Variants in ARHGAP6 observed in about 807,000 individuals in gnomAD.
ARHGAP6 encodes the protein rho GTPase-activating protein 6.
A neutral mutation model predicts 55.7 loss-of-function variants in ARHGAP6; 16 were observed. That is an observed-to-expected ratio of 0.29 (90% CI 0.19 to 0.44). ARHGAP6 has a LOEUF of 0.44. Among genes scored for constraint, ARHGAP6 ranks in the 20% least tolerant of loss-of-function variants. The probability of loss-of-function intolerance (pLI) is 1.00; values close to 1 mark genes in which losing one functional copy is unlikely to be tolerated. For missense variants in ARHGAP6, 698 were observed against 808.9 expected (o/e 0.86, Z 1.66); for synonymous variants, 382 against 360.9 (o/e 1.06, Z -0.66).
rs901989399 is a variant in ARHGAP6, at chrX:11,201,888, G to T, written c.749-4892C>A. Among the ~76,000 whole-genome samples, 5 of 110,909 alleles carry T rather than the reference G, an allele frequency of 4.5e-5. No individual in the cohort carries two copies. In the East Asian group the frequency reaches 1.4e-3, roughly 31 times the overall value. ...GAACTACAATACAAGATGAGAGTGG[G>T]TGGGGAATATAACCCAACCATATCA... is the stretch of plus-strand genomic sequence containing the variant. On this transcript the variant is annotated intron_variant, in intron 2 of 12. Coordinates refer to ENST00000337414, the MANE Select transcript of ARHGAP6 (RefSeq NM_013427.3).
At chrX:11,205,877 T>C (rs189142319) in intron 2 of ARHGAP6, among the ~76,000 whole-genome samples, 73 of 112,253 alleles carry the variant, frequency 6.5e-4, no homozygotes, top group Non-Finnish European at 6.0e-4. Context: ...ACTTTTTGAG[T>C]TTAGAAAAGA....
intron 1 of ARHGAP6, among the ~76,000 whole-genome samples, chrX:11,289,848 G>A (rs1483962097): frequency 9.0e-6 from 1 of 111,234 alleles, no homozygotes; most frequent in Non-Finnish European, 1.9e-5. Flanking sequence ...AGCTGGGCAT[G>A]GTGGCATGTG....
intron 1 of ARHGAP6, among the ~76,000 whole-genome samples, chrX:11,515,274 T>C (rs1307473103): frequency 1.8e-5 from 2 of 112,283 alleles, no homozygotes; most frequent in East Asian, 5.5e-4. Context: ...AAAGTAAAAG[T>C]ATATAAGTCA....
At chrX:11,280,745 C>CA (rs59290872) in intron 1 of ARHGAP6, among the ~76,000 whole-genome samples, 859 of 52,928 alleles carry the variant, frequency 0.016, 8 homozygotes, top group East Asian at 0.044. Flanking sequence ...GACCTTGTCT[C>CA]AAAAAAAAAA....
intron 2 of ARHGAP6, among the ~76,000 whole-genome samples, chrX:11,216,929 T>C (rs1365669498): frequency 9.1e-6 from 1 of 110,496 alleles, no homozygotes; most frequent in Non-Finnish European, 1.9e-5. Flanking sequence ...TGTGCTCTCG[T>C]TGTTCAACTC....
rs769854734 is a variant in ARHGAP6, at chrX:11,583,067, G to A, written c.588+81174C>T. Among the ~76,000 whole-genome samples, 7 of 111,916 alleles carry A rather than the reference G, an allele frequency of 6.3e-5. No individual in the cohort carries two copies. In the South Asian group the frequency reaches 1.1e-3, roughly 18 times the overall value. On this transcript the variant is annotated intron_variant, in intron 1 of 12. Transcript: ENST00000337414. ...CAATAGCTCAAAGTTACCTTAAATAGTCCCATTTTTAAAATAATAAAACTG... is the reference window on the plus strand; with the variant it reads ...CAATAGCTCAAAGTTACCTTAAATAATCCCATTTTTAAAATAATAAAACTG...
chrX:11,365,889 A>G (rs1028459777), intron 1 of ARHGAP6, among the ~76,000 whole-genome samples: 1 of 112,242 alleles, frequency 8.9e-6, no homozygotes, highest in Non-Finnish European at 1.9e-5. Context: ...TGCTTTTCAC[A>G]GTTCTGGAGG....
rs112255459 is a variant in ARHGAP6, at chrX:11,314,514, T to A, written c.589-59807A>T. ...GATATCCAGTGTTCACTCTTTAAAT[T>A]TGTGGTTGATTTCTGAGAAATTCAA... On this transcript the variant is annotated intron_variant, in intron 1 of 12. Transcript: ENST00000337414. Among the ~76,000 whole-genome samples the A allele has an allele frequency of 2.8e-4, 31 of 112,642 alleles. 1 individual carries two copies. Among genetic ancestry groups the A allele is most frequent in the African/African-American group, 9.7e-4 (30 of 31,042 alleles).
chrX:11,327,570 G>A (rs1291366001), intron 1 of ARHGAP6, among the ~76,000 whole-genome samples: 1 of 111,716 alleles, frequency 9.0e-6, no homozygotes, highest in Admixed American at 9.5e-5. Flanking sequence ...TCAAAGATAG[G>A]TGAGTAAAGA....
In ARHGAP6 at chrX:11,254,712, AG is replaced by A; in HGVS notation, c.589-6del. ...GCTGTTCCAGGTGAAATCACCCTGT[AG>A]GCCAAAAAAAAAAAAAAAAAAAAAA... On this transcript the variant is annotated splice_region_variant and splice_polypyrimidine_tract_variant and intron_variant, in intron 1 of 12. Transcript: ENST00000337414. 2 of 901,465 alleles carry A rather than the reference AG, an allele frequency of 2.2e-6. No homozygotes were observed. The highest frequency in any genetic ancestry group is 2.9e-6 in the Non-Finnish European group (2 of 688,994). The allele number at this position is 901,465 out of a possible 1,213,427, so 74.3% of individuals were successfully genotyped here.
chrX:11,598,337 C>T (rs2051927032), intron 1 of ARHGAP6, among the ~76,000 whole-genome samples: 1 of 111,937 alleles, frequency 8.9e-6, no homozygotes, highest in African/African-American at 3.3e-5. Flanking sequence ...GCTTACAGTG[C>T]CACTTTCTTT....
chrX:11,346,420 C>T (rs1330321064), intron 1 of ARHGAP6, among the ~76,000 whole-genome samples: 2 of 111,788 alleles, frequency 1.8e-5, no homozygotes, highest in Non-Finnish European at 3.8e-5. Context: ...TAACTCCCAT[C>T]CTAGGGTATT....
intron 1 of ARHGAP6, among the ~76,000 whole-genome samples, chrX:11,662,203 C>A (rs2052710015): frequency 8.9e-6 from 1 of 112,208 alleles, no homozygotes; most frequent in African/African-American, 3.2e-5. Flanking sequence ...AAAGGACAGG[C>A]AGTGCCCAAT....
intron 3 of ARHGAP6, among the ~76,000 whole-genome samples, chrX:11,194,597 C>T (rs5979382): frequency 0.17 from 19,299 of 111,117 alleles, 1,289 homozygotes; most frequent in Middle Eastern, 0.21. Flanking sequence ...AGGGTGGTGT[C>T]ACTGGCATCT....
At chrX:11,403,401 T>C (rs1309886043) in intron 1 of ARHGAP6, among the ~76,000 whole-genome samples, 1 of 112,130 alleles carries the variant, frequency 8.9e-6, no homozygotes, top group Non-Finnish European at 1.9e-5. Context: ...AATTAAAATG[T>C]GCTGTAAGTA....
At chrX:11,461,800 A>G (rs1183638936) in intron 1 of ARHGAP6, among the ~76,000 whole-genome samples, 1 of 111,820 alleles carries the variant, frequency 8.9e-6, no homozygotes, top group Non-Finnish European at 1.9e-5. Flanking sequence ...ACTGGACTTT[A>G]GACTTCCTGC....
At chrX:11,203,818 T>C (rs1318921071) in intron 2 of ARHGAP6, among the ~76,000 whole-genome samples, 1 of 111,794 alleles carries the variant, frequency 8.9e-6, no homozygotes, top group African/African-American at 3.3e-5. Context: ...ACTCAAACTT[T>C]GGTGTTTCCA....
At chrX:11,602,579 C>T (rs931386575) in intron 1 of ARHGAP6, among the ~76,000 whole-genome samples, 1 of 112,929 alleles carries the variant, frequency 8.9e-6, no homozygotes, top group Non-Finnish European at 1.9e-5. Flanking sequence ...TCATGAGCCC[C>T]TTGCTCTGCC....
chrX:11,430,028 C>T (rs2049926256), intron 1 of ARHGAP6, among the ~76,000 whole-genome samples: 1 of 110,657 alleles, frequency 9.0e-6, no homozygotes, highest in Admixed American at 9.6e-5. Context: ...ATCACGCTTG[C>T]CTTTAAGCCC....
Sources: allele counts gnomAD v4.1 joint callset (sites outside exome capture counted in the v4.1 genomes callset), GRCh38; gene constraint gnomAD v4.1.1; transcripts MANE v1.5; gene names NCBI Gene and HGNC (gene_info 2026-07-23, HGNC 2026-07-21).